Variants in FGD4 observed in about 807,000 individuals in gnomAD.
FGD4 encodes FYVE, RhoGEF and PH domain-containing protein 4.
Under a neutral mutation model 102.0 loss-of-function variants are expected in FGD4, and 42 were observed. That is an observed-to-expected ratio of 0.41 (90% confidence interval 0.32 to 0.53). FGD4 has a LOEUF of 0.53. Among genes scored for constraint, FGD4 ranks in the 20% least tolerant of loss-of-function variants. FGD4 has a pLI of 0.21. For missense variants in FGD4, 902 were observed against 1,078.2 expected (o/e 0.84, Z 2.29); for synonymous variants, 380 against 375.7 (o/e 1.01, Z -0.13).
chr12:32,436,765 T>A (rs1942244977), intron 1 of FGD4, among the ~76,000 whole-genome samples: 1 of 152,186 alleles, frequency 6.6e-6, no homozygotes. Flanking sequence ...TGGAAATTCA[T>A]GTTTGAACCA....
chr12:32,561,551 AT>A (rs1299643886), intron 1 of FGD4, among the ~76,000 whole-genome samples: 1 of 152,222 alleles, frequency 6.6e-6, no homozygotes, highest in Admixed American at 6.5e-5. Flanking sequence ...TTTGGATTCT[AT>A]AAAAAATGAA....
Position 32,641,072 on chromosome 12 carries a change from C to A in FGD4, c.*539C>A. The A allele has an allele frequency of 6.4e-6, 1 of 156,386 alleles. No homozygotes were observed. Among genetic ancestry groups the A allele is most frequent in the Non-Finnish European group, 1.4e-5 (1 of 70,708 alleles). The allele number at this position is 156,386 out of a possible 1,614,324, so 9.7% of individuals were successfully genotyped here. ...GACAAATTGTTGGTGTTCAGATTTC[C>A]GATTTATAAAGAAAAGATAACTTGT... On this transcript the variant is annotated 3_prime_UTR_variant, in exon 17 of 17. Coordinates refer to ENST00000534526, the MANE Select transcript of FGD4 (RefSeq NM_001370298.3).
At chr12:32,514,485 A>G (rs751405498) in intron 1 of FGD4, among the ~76,000 whole-genome samples, 1 of 151,992 alleles carries the variant, frequency 6.6e-6, no homozygotes, top group Non-Finnish European at 1.5e-5. Context: ...TCTCTCCCCA[A>G]ATAGACTGTG....
At chr12:32,577,089 A>C (rs1457461062) in intron 3 of FGD4, among the ~76,000 whole-genome samples, 1 of 152,164 alleles carries the variant, frequency 6.6e-6, no homozygotes, top group Non-Finnish European at 1.5e-5. Flanking sequence ...GGAAAAAACA[A>C]AGGTAGGTGA....
Position 32,620,556 on chromosome 12 carries a change from C to T in FGD4, c.1922+686C>T, listed in dbSNP as rs376420576. Among the ~76,000 whole-genome samples, 17 of 102,018 alleles carry T rather than the reference C, an allele frequency of 1.7e-4. 1 individual carries two copies. Among genetic ancestry groups the T allele is most frequent in the Admixed American group, 5.9e-4 (4 of 6,754 alleles). 66.9% of individuals were successfully genotyped at this position (102,018 alleles called of 152,430 possible). A position where few individuals can be genotyped will look rare whatever the true frequency, so the allele number is the denominator to read the frequency against. On this transcript the variant is annotated intron_variant, in intron 11 of 16. Coordinates refer to ENST00000534526, the MANE Select transcript of FGD4 (RefSeq NM_001370298.3). Reference sequence around the variant, plus strand: ...TTTTTTTTTTTTTGAGATGGAGTTTCGCTCTCATTGGCCAGACTGGAGGGC... The same window carrying T: ...TTTTTTTTTTTTTGAGATGGAGTTTTGCTCTCATTGGCCAGACTGGAGGGC...
intron 3 of FGD4, among the ~76,000 whole-genome samples, chr12:32,579,357 T>C (rs1946411326): frequency 6.6e-6 from 1 of 152,178 alleles, no homozygotes; most frequent in African/African-American, 2.4e-5. Context: ...ACATTGGTTT[T>C]TCCCATGGAC....
At chr12:32,600,087 A>G (rs964072067) in intron 5 of FGD4, among the ~76,000 whole-genome samples, 49 of 152,194 alleles carry the variant, frequency 3.2e-4, no homozygotes, top group African/African-American at 1.2e-3. Flanking sequence ...AAGCCATTTT[A>G]AGGCCTATGC....
chr12:32,603,505 C>T (rs1159652812), intron 7 of FGD4, among the ~76,000 whole-genome samples: 1 of 151,920 alleles, frequency 6.6e-6, no homozygotes, highest in Non-Finnish European at 1.5e-5. Flanking sequence ...ATTCTCCTGC[C>T]TCAGCCTGTT....
chr12:32,449,379 G>C (rs1942707740), intron 1 of FGD4, among the ~76,000 whole-genome samples: 1 of 152,178 alleles, frequency 6.6e-6, no homozygotes, highest in South Asian at 2.1e-4. Context: ...ATTGCTTTTA[G>C]TATCCTGTCT....
intron 4 of FGD4, among the ~76,000 whole-genome samples, chr12:32,591,549 A>G (rs1346372552): frequency 6.6e-6 from 1 of 152,224 alleles, no homozygotes; most frequent in Non-Finnish European, 1.5e-5. Context: ...CCGACTTGGT[A>G]GCTTCGAGGC....
At chr12:32,497,207 G>A (rs2136603178) in intron 1 of FGD4, among the ~76,000 whole-genome samples, 1 of 152,256 alleles carries the variant, frequency 6.6e-6, no homozygotes, top group East Asian at 1.9e-4. Context: ...CACTAAAAAA[G>A]TTTCCATCAA....
rs563860635 is a variant in FGD4 at position 32,426,178 on chromosome 12, C to A, written c.166+26219C>A. 2.6e-5 allele frequency among the ~76,000 whole-genome samples: 4 copies of A among 152,246 alleles called. No homozygotes were observed. In the East Asian group the frequency reaches 7.7e-4, roughly 29 times the overall value. On this transcript the variant is annotated intron_variant, in intron 1 of 16. Coordinates refer to ENST00000534526, the MANE Select transcript of FGD4 (RefSeq NM_001370298.3). Reference sequence around the variant, plus strand: ...GGAATGCTTCCAGCTTTTGCCCATTCAGTATAATATTAGTTGTGGATTTGT... The same window carrying A: ...GGAATGCTTCCAGCTTTTGCCCATTAAGTATAATATTAGTTGTGGATTTGT...
chr12:32,563,336 G>T lies in FGD4; in HGVS notation c.167-801G>T, dbSNP rs571656675. ...ACCTCCCAGACGGGGTCGCGGCCGG[G>T]CAGGGGCGCTCCTCACATCCCAGAC... On this transcript the variant is annotated intron_variant, in intron 1 of 16. Coordinates refer to ENST00000534526, the MANE Select transcript of FGD4 (RefSeq NM_001370298.3). Among the ~76,000 whole-genome samples, 8 of 151,956 alleles carry T rather than the reference G, an allele frequency of 5.3e-5. No homozygotes were observed. In the East Asian group the frequency reaches 1.2e-3, roughly 22 times the overall value.
chr12:32,426,040 T>C (rs1218438978), intron 1 of FGD4, among the ~76,000 whole-genome samples: 1 of 152,194 alleles, frequency 6.6e-6, no homozygotes, highest in East Asian at 1.9e-4. Context: ...CTCTTCCTAT[T>C]TGAATACCCT....
At chr12:32,510,467 G>C (rs1437232449) in intron 1 of FGD4, among the ~76,000 whole-genome samples, 1 of 151,906 alleles carries the variant, frequency 6.6e-6, no homozygotes, top group Non-Finnish European at 1.5e-5. Flanking sequence ...CTTTTGTTTT[G>C]TTCTTTACAA....
intron 1 of FGD4, among the ~76,000 whole-genome samples, chr12:32,498,102 T>C (rs943840716): frequency 6.6e-6 from 1 of 152,184 alleles, no homozygotes; most frequent in Non-Finnish European, 1.5e-5. Context: ...GGTTTCTGAA[T>C]TTATAATTAG....
intron 4 of FGD4, among the ~76,000 whole-genome samples, chr12:32,592,588 T>C (rs1478345717): frequency 1.4e-4 from 21 of 152,050 alleles, no homozygotes; most frequent in Non-Finnish European, 2.9e-5. Context: ...CCTATTTAGC[T>C]TTCCTGTTTA....
chr12:32,439,444 C>T (rs1016617353), intron 1 of FGD4, among the ~76,000 whole-genome samples: 5 of 152,202 alleles, frequency 3.3e-5, no homozygotes, highest in Non-Finnish European at 7.3e-5. Context: ...CTCTGACATA[C>T]TGATTTCATT....
At chr12:32,485,107 A>G (rs1232922921) in intron 1 of FGD4, among the ~76,000 whole-genome samples, 6 of 152,166 alleles carry the variant, frequency 3.9e-5, no homozygotes, top group Admixed American at 3.9e-4. Flanking sequence ...GGGTCTCACC[A>G]TGTTGCCTAG....
Sources: allele counts gnomAD v4.1 joint callset (sites outside exome capture counted in the v4.1 genomes callset), GRCh38; gene constraint gnomAD v4.1.1; transcripts MANE v1.5; gene names NCBI Gene and HGNC (gene_info 2026-07-23, HGNC 2026-07-21).